The following RIMOC1 variants were observed in gnomAD, a reference collection of about 807,000 sequenced individuals.
RIMOC1 encodes RAB7A-interacting MON1-CCZ1 complex subunit 1.
At chr5:41,912,495 G>A in the RIMOC1 span, among the ~76,000 whole-genome samples, 1 of 152,136 alleles carries the variant, frequency 6.6e-6, no homozygotes, top group South Asian at 2.1e-4. Context: ...CTGAGACTGG[G>A]TAATTTATAA....
the RIMOC1 span, among the ~76,000 whole-genome samples, chr5:41,906,245 T>C: frequency 6.6e-6 from 1 of 152,222 alleles, no homozygotes; most frequent in African/African-American, 2.4e-5. Flanking sequence ...GTTTACTCTA[T>C]GGAAGTACGT....
chr5:41,913,121 T>C, the RIMOC1 span, among the ~76,000 whole-genome samples: 4 of 152,206 alleles, frequency 2.6e-5, no homozygotes, highest in Admixed American at 6.5e-5. Context: ...GCTCCTTCAA[T>C]CTCACCTGTG....
the RIMOC1 span, among the ~76,000 whole-genome samples, chr5:41,912,730 C>T: frequency 2.0e-5 from 3 of 152,186 alleles, no homozygotes; most frequent in Non-Finnish European, 4.4e-5. Flanking sequence ...GATCCCGTCA[C>T]CTCCCACCAG....
the RIMOC1 span, among the ~76,000 whole-genome samples, chr5:41,912,920 A>C: frequency 6.6e-6 from 1 of 152,240 alleles, no homozygotes. Context: ...GTAAAGGTCC[A>C]GAGCTGGTAC....
At chr5:41,914,827 T>G in the RIMOC1 span, among the ~76,000 whole-genome samples, 6 of 152,136 alleles carry the variant, frequency 3.9e-5, no homozygotes, top group Non-Finnish European at 7.4e-5. Context: ...ACGATTAGAT[T>G]AGAAGCCAGG....
At chr5:41,904,615 C>G in the RIMOC1 span, 1 of 690,572 alleles carries the variant, frequency 1.4e-6, no homozygotes, top group South Asian at 1.9e-5. Context: ...TTCTGAGCCC[C>G]TCTGCGCCAT....
the RIMOC1 span, chr5:41,916,549 T>C: frequency 6.5e-6 from 5 of 770,300 alleles, no homozygotes; most frequent in African/African-American, 1.9e-5. Flanking sequence ...TTAGAGAATA[T>C]AAGAGGTCTA....
chr5:41,914,278 A>C, the RIMOC1 span, among the ~76,000 whole-genome samples: 1 of 152,116 alleles, frequency 6.6e-6, no homozygotes, highest in Non-Finnish European at 1.5e-5. Flanking sequence ...TTTCCAGGCA[A>C]AAAGACACAG....
chr5:41,909,639 A>T, the RIMOC1 span: 4 of 656,220 alleles, frequency 6.1e-6, no homozygotes, highest in Non-Finnish European at 9.4e-6. Flanking sequence ...GAGCTAGAAG[A>T]TTTAAATGTG....
the RIMOC1 span, among the ~76,000 whole-genome samples, chr5:41,915,738 T>G: frequency 6.6e-6 from 1 of 152,130 alleles, no homozygotes; most frequent in African/African-American, 2.4e-5. Flanking sequence ...GATTCAGTTA[T>G]CTCCCACTGG....
chr5:41,911,257 G>A, the RIMOC1 span: 8 of 1,332,060 alleles, frequency 6.0e-6, no homozygotes, highest in South Asian at 4.4e-5. Context: ...GTACTACTAA[G>A]AGTAGTGGAT....
the RIMOC1 span, chr5:41,918,663 G>A: frequency 1.0e-6 from 1 of 985,336 alleles, no homozygotes; most frequent in Non-Finnish European, 1.2e-6. Flanking sequence ...AGCCCTCAAT[G>A]TAAACCTTAT....
At chr5:41,909,924 A>C in the RIMOC1 span, 1 of 1,507,802 alleles carries the variant, frequency 6.6e-7, no homozygotes, top group Admixed American at 2.1e-5. Context: ...ATTATGATGG[A>C]ATATTGCTGG....
chr5:41,905,049 CTG>C, the RIMOC1 span, among the ~76,000 whole-genome samples: 1 of 152,312 alleles, frequency 6.6e-6, no homozygotes, highest in African/African-American at 2.4e-5. Context: ...TTAGGAAAAA[CTG>C]GGCTAGGGAA....
the RIMOC1 span, among the ~76,000 whole-genome samples, chr5:41,907,530 A>G: frequency 2.4e-3 from 364 of 152,244 alleles, 1 homozygote; most frequent in Non-Finnish European, 3.3e-3. Context: ...TTGTAGGAAA[A>G]ATTTTCATGA....
chr5:41,908,966 C>T, the RIMOC1 span, among the ~76,000 whole-genome samples: 4 of 152,092 alleles, frequency 2.6e-5, no homozygotes, highest in Admixed American at 1.3e-4. Flanking sequence ...TAACTGGGTG[C>T]TAGGTAACGT....
At chr5:41,908,737 T>C in the RIMOC1 span, among the ~76,000 whole-genome samples, 1 of 152,142 alleles carries the variant, frequency 6.6e-6, no homozygotes, top group Non-Finnish European at 1.5e-5. Flanking sequence ...TCTCATTTTT[T>C]TCACGAGAGT....
At chr5:41,917,853 A>T in the RIMOC1 span, 7 of 787,470 alleles carry the variant, frequency 8.9e-6, no homozygotes, top group Non-Finnish European at 1.1e-5. Context: ...TTATTTTGCC[A>T]TGTATTACTA....
the RIMOC1 span, chr5:41,916,554 G>A: frequency 9.6e-6 from 7 of 729,826 alleles, no homozygotes; most frequent in Non-Finnish European, 1.2e-5. Flanking sequence ...GAATATAAGA[G>A]GTCTAGGATA....
Sources: allele counts gnomAD v4.1 joint callset (sites outside exome capture counted in the v4.1 genomes callset), GRCh38; gene constraint gnomAD v4.1.1; transcripts MANE v1.5; gene names NCBI Gene and HGNC (gene_info 2026-07-23, HGNC 2026-07-21).